The following TMEM196 variants were observed in gnomAD, a reference collection of about 807,000 sequenced individuals.
The protein encoded by TMEM196 is transmembrane protein 196.
In TMEM196, 17 loss-of-function variants were observed where a neutral mutation model predicts 20.0. That is an observed-to-expected ratio of 0.85 (90% CI 0.58 to 1.27). The LOEUF is 1.27. Ranked by LOEUF, TMEM196 falls within the 50% of genes most tolerant of loss-of-function variation. The pLI, the probability that TMEM196 is intolerant of heterozygous loss-of-function variation, is 0.00. For missense variants in TMEM196, 267 were observed against 223.0 expected, an observed-to-expected ratio of 1.20 and a Z score of -1.26; for synonymous variants, 113 against 88.9, an observed-to-expected ratio of 1.27 and a Z score of -1.52.
intron 1 of TMEM196, among the ~76,000 whole-genome samples, chr7:19,758,647 T>C (rs1049701315): frequency 6.6e-6 from 1 of 152,242 alleles, no homozygotes; most frequent in Non-Finnish European, 1.5e-5. Context: ...TCTGGTTCAT[T>C]GCATGACTCA....
At chr7:19,738,012 G>C (rs530859689) in intron 1 of TMEM196, among the ~76,000 whole-genome samples, 1 of 152,012 alleles carries the variant, frequency 6.6e-6, no homozygotes, top group South Asian at 2.1e-4. Flanking sequence ...AAATGTATAA[G>C]ACAATTTCAA....
chr7:19,735,174 G>A (rs538109089), intron 1 of TMEM196, among the ~76,000 whole-genome samples: 1 of 152,032 alleles, frequency 6.6e-6, no homozygotes, highest in Non-Finnish European at 1.5e-5. Context: ...TTAAATTATA[G>A]ATCAGAAAAC....
At chr7:19,748,318 A>ATGAGAGCT in intron 1 of TMEM196, among the ~76,000 whole-genome samples, 1 of 151,462 alleles carries the variant, frequency 6.6e-6, no homozygotes, top group Non-Finnish European at 1.5e-5. Context: ...CTTAGAAAGA[A>ATGAGAGCT]TGAGAGCTTA....
chr7:19,755,952 C>G (rs1043324210), intron 1 of TMEM196, among the ~76,000 whole-genome samples: 1 of 151,964 alleles, frequency 6.6e-6, no homozygotes, highest in Non-Finnish European at 1.5e-5. Context: ...TCGCTTGAAC[C>G]TGGTGGGCAG....
At chr7:19,727,610 A>T (rs936961629) in intron 2 of TMEM196, among the ~76,000 whole-genome samples, 10 of 152,316 alleles carry the variant, frequency 6.6e-5, no homozygotes, top group African/African-American at 2.4e-4. Flanking sequence ...TTTGGATGTC[A>T]TGCTGTTCTT....
At chr7:19,748,282 A>C (rs1008301951) in intron 1 of TMEM196, among the ~76,000 whole-genome samples, 1 of 150,440 alleles carries the variant, frequency 6.6e-6, no homozygotes, top group East Asian at 1.9e-4. Flanking sequence ...AAAAAAAAAA[A>C]AAAAAAAAAC....
At chr7:19,770,739 T>G (rs1785838160) in intron 1 of TMEM196, among the ~76,000 whole-genome samples, 1 of 152,208 alleles carries the variant, frequency 6.6e-6, no homozygotes, top group Non-Finnish European at 1.5e-5. Flanking sequence ...ACTTATTTGC[T>G]TTTCCATGAG....
In TMEM196 at chr7:19,766,694, C is replaced by A. The variant is rs144576179; in HGVS notation, c.147+5856G>T. Among the ~76,000 whole-genome samples, 1,183 of 151,372 alleles carry A rather than the reference C, an allele frequency of 7.8e-3. 14 individuals carry two copies. Among genetic ancestry groups the A allele is most frequent in the Admixed American group, 0.02 (305 of 15,180 alleles). On this transcript the variant is annotated intron_variant, in intron 1 of 4. Coordinates refer to ENST00000405844, the MANE Select transcript of TMEM196 (RefSeq NM_001363562.2). ...TGCAGTTTCTCTCACCTTTGGTCAC[C>A]TTTAGTTTGCGTGTGTGTGTATGCA... is the stretch of plus-strand genomic sequence containing the variant.
At chr7:19,770,754 T>C (rs1338538496) in intron 1 of TMEM196, among the ~76,000 whole-genome samples, 4 of 152,326 alleles carry the variant, frequency 2.6e-5, no homozygotes, top group Non-Finnish European at 5.9e-5. Context: ...CATGAGGTGA[T>C]TCAAAATTTT....
intron 1 of TMEM196, among the ~76,000 whole-genome samples, chr7:19,770,786 T>C (rs1785840012): frequency 6.6e-6 from 1 of 152,212 alleles, no homozygotes; most frequent in Admixed American, 6.5e-5. Flanking sequence ...CATACACATC[T>C]AGATAATAGT....
intron 1 of TMEM196, among the ~76,000 whole-genome samples, chr7:19,746,486 A>G (rs2390155): frequency 0.48 from 73,135 of 152,120 alleles, 21,131 homozygotes; most frequent in East Asian, 0.97. Context: ...ATGTGGCACT[A>G]TGTAATTCAT....
intron 1 of TMEM196, among the ~76,000 whole-genome samples, chr7:19,752,349 T>C (rs1785020916): frequency 6.6e-6 from 1 of 152,190 alleles, no homozygotes; most frequent in African/African-American, 2.4e-5. Context: ...TCAAAGACAC[T>C]ATTGATTCCC....
At chr7:19,752,747 T>G (rs1785038796) in intron 1 of TMEM196, among the ~76,000 whole-genome samples, 1 of 152,008 alleles carries the variant, frequency 6.6e-6, no homozygotes, top group Non-Finnish European at 1.5e-5. Context: ...CCCGAGTAGC[T>G]GGGACTACAG....
chr7:19,725,907 A>G, intron 2 of TMEM196, 139 bp from the exon 3 acceptor site: 2 of 1,025,152 alleles, frequency 2.0e-6, no homozygotes, highest in East Asian at 2.7e-5. Flanking sequence ...CACAGAGGAC[A>G]GGAGATTTTT....
At chr7:19,738,723 G>A (rs552124513) in intron 1 of TMEM196, among the ~76,000 whole-genome samples, 43 of 151,990 alleles carry the variant, frequency 2.8e-4, no homozygotes, top group African/African-American at 9.4e-4. Flanking sequence ...AAACAGCATG[G>A]GATTATGACC....
intron 1 of TMEM196, among the ~76,000 whole-genome samples, chr7:19,767,959 A>G (rs1785704994): frequency 1.3e-5 from 2 of 152,088 alleles, no homozygotes; most frequent in Admixed American, 1.3e-4. Context: ...TTGGATTGCT[A>G]TAATATAGAT....
intron 1 of TMEM196, among the ~76,000 whole-genome samples, chr7:19,764,603 C>T (rs1676282730): frequency 6.6e-6 from 1 of 152,160 alleles, no homozygotes; most frequent in Non-Finnish European, 1.5e-5. Context: ...AGAAAGTGAT[C>T]TCTTGCTTAT....
At chr7:19,739,181 G>A (rs1181278025) in intron 1 of TMEM196, among the ~76,000 whole-genome samples, 2 of 152,088 alleles carry the variant, frequency 1.3e-5, no homozygotes, top group Non-Finnish European at 2.9e-5. Context: ...AGGTGGAAGT[G>A]AAACTATCAT....
At chr7:19,760,683 C>T (rs1426774328) in intron 1 of TMEM196, among the ~76,000 whole-genome samples, 4 of 152,064 alleles carry the variant, frequency 2.6e-5, no homozygotes, top group Admixed American at 2.0e-4. Flanking sequence ...TAACATAGCA[C>T]AATCTTTAAT....
Sources: allele counts gnomAD v4.1 joint callset (sites outside exome capture counted in the v4.1 genomes callset), GRCh38; gene constraint gnomAD v4.1.1; transcripts MANE v1.5; gene names NCBI Gene and HGNC (gene_info 2026-07-23, HGNC 2026-07-21).